FADS1: variants seen among roughly 807,000 people sequenced by gnomAD.
FADS1 encodes fatty acid desaturase 1.
A neutral mutation model predicts 61.6 loss-of-function variants in FADS1; 17 were observed. The observed-to-expected ratio is 0.28, with a 90% CI of 0.19 to 0.41. The LOEUF (loss-of-function observed/expected upper bound fraction) is 0.41. Among genes scored for constraint, FADS1 ranks in the 10% least tolerant of loss-of-function variants. FADS1 has a pLI of 1.00. For synonymous variants in FADS1, 238 were observed against 258.7 expected, an observed-to-expected ratio of 0.92 and a Z score of 0.77; for missense variants, 387 against 650.9, an observed-to-expected ratio of 0.59 and a Z score of 4.41.
chr11:61,812,493 G>A lies in FADS1; in HGVS notation c.662C>T (p.Ala221Val), dbSNP rs375723539. 26 of 1,613,970 alleles carry A rather than the reference G, an allele frequency of 1.6e-5. No individual in the cohort carries two copies. Among genetic ancestry groups the A allele is most frequent in the Admixed American group, 3.3e-5 (2 of 60,022 alleles). ...CACCTGAACTGCACTGAGCAGCACC[G>A]CACAGAGGAGGAAGGGCAAAAAGGA... ...GTSFLPFLLC[A>V]VLLSAVQAQA... Residue 221 changes from alanine to valine, a missense_variant, in exon 3 of 12, where the codon GCG becomes GTG. By Grantham distance (64) the Ala-to-Val change is moderately conservative (BLOSUM62 0). Transcript: ENST00000350997.
rs1013893023 is a variant in FADS1 at position 61,802,603 on chromosome 11, G to C, written c.1455-141C>G. ...TTAGAGAAAGCTAGCTTGGGCCATG[G>C]TACTGAGGGGAACCCCAATGAGGGC... is the stretch of plus-strand genomic sequence containing the variant. On this transcript the variant is annotated intron_variant, in intron 11 of 11. Transcript: ENST00000350997. This position sits in a 1 kb window ranked among gnomAD's most constrained non-coding sequence, Gnocchi z 4.2. 7 of 1,196,524 alleles carry C rather than the reference G, an allele frequency of 5.9e-6. No homozygotes were observed. Among genetic ancestry groups the C allele is most frequent in the Non-Finnish European group, 8.4e-6 (7 of 835,684 alleles). 74.1% of individuals were successfully genotyped at this position (1,196,524 alleles called of 1,614,324 possible).
At chr11:61,808,259 T>C (rs1407855352) in intron 5 of FADS1, among the ~76,000 whole-genome samples, 1 of 151,302 alleles carries the variant, frequency 6.6e-6, no homozygotes, top group Non-Finnish European at 1.5e-5. Context: ...TCTCTTGAAC[T>C]CGGGAGGCGG....
chr11:61,807,873 C>T (rs913561506), intron 5 of FADS1, among the ~76,000 whole-genome samples: 4 of 152,212 alleles, frequency 2.6e-5, no homozygotes, highest in African/African-American at 7.2e-5. Context: ...TTATTCTGTA[C>T]AAGACACTTC....
intron 6 of FADS1, chr11:61,805,837 AG>A (rs1175766257): frequency 2.0e-5 from 3 of 152,202 alleles, no homozygotes; most frequent in Non-Finnish European, 4.4e-5. Context: ...CTGGGCTCAA[AG>A]GATGGTCCCA....
Position 61,816,573 on chromosome 11 carries a change from G to A in FADS1, c.357C>T (p.Tyr119=), listed in dbSNP as rs1342805968. ...CGCTCACCGTGGCATCCTGCCCGGC[G>A]TAGTGGCTGATGACCCGGGAGCCCC... The part of the protein sequence containing the change: ...HPGGSRVISH[Y]AGQDATDPFV... The change falls in exon 1 of 12, where the codon TAC becomes TAT. Residue 119 remains tyrosine, a synonymous_variant. Transcript: ENST00000350997. The surrounding 1 kb of genome is among the most constrained non-coding windows in gnomAD (Gnocchi z 7.0). 1.9e-6 allele frequency: 3 copies of A among 1,608,126 alleles called. No homozygotes were observed. The highest frequency in any genetic ancestry group is 1.3e-5 in the African/African-American group (1 of 74,998).
At position 61,815,974 on chromosome 11, in the gene FADS1, C is replaced by G. The variant is rs1280236003; in HGVS notation, c.375+581G>C. ...CGGCCAGCGCTGTCCCTTCCGCGTC[C>G]TCCAGTCTTCACACGACGCAGGGGT... On this transcript the variant is annotated intron_variant, in intron 1 of 11. Coordinates refer to ENST00000350997, the MANE Select transcript of FADS1 (RefSeq NM_013402.7). This position sits in a 1 kb window ranked among gnomAD's most constrained non-coding sequence, Gnocchi z 6.4. 2 of 447,476 alleles carry G rather than the reference C, an allele frequency of 4.5e-6. No homozygotes were observed. The highest frequency in any genetic ancestry group is 8.1e-6 in the Non-Finnish European group (2 of 246,916). The allele number at this position is 447,476 out of a possible 1,614,324, so 27.7% of individuals were successfully genotyped here. A position where few individuals can be genotyped will look rare whatever the true frequency, so the allele number is the denominator to read the frequency against.
At position 61,816,890 on chromosome 11, in the gene FADS1, C is replaced by G. The variant is rs2066990687; in HGVS notation, c.40G>C (p.Gly14Arg). Residue 14 changes from glycine to arginine, a missense_variant, in exon 1 of 12, where the codon GGT becomes CGT. By Grantham distance (125) the Gly-to-Arg change is moderately radical. Transcript: ENST00000350997. The surrounding 1 kb of genome is among the most constrained non-coding windows in gnomAD (Gnocchi z 7.0). ...RAARPAGLPC[G>R]AENPARRRLA... ...CGCCTGCGCGCCGGGTTTTCAGCAC[C>G]GCAGGGCAGACCGGCGGGCCTCGCA... The G allele has an allele frequency of 6.9e-7, 1 of 1,456,972 alleles. No homozygotes were observed. The highest frequency in any genetic ancestry group is 1.3e-5 in the South Asian group (1 of 74,110). The allele number at this position is 1,456,972 out of a possible 1,614,324, so 90.3% of individuals were successfully genotyped here.
rs2066866218 is a variant in FADS1, at chr11:61,802,873, T to G, written c.1382A>C (p.Gln461Pro). The G allele has an allele frequency of 6.2e-7, 1 of 1,614,066 alleles. No homozygotes were observed. The highest frequency in any genetic ancestry group is 1.3e-5 in the African/African-American group (1 of 74,930). ...HNYHKVAPLV[Q>P]SLCAKHGIEY... ...TATGCCATGCTTGGCACACAAGGAC[T>G]GCACCAGGGGAGCCACTTTGTGGTA... is the stretch of plus-strand genomic sequence containing the variant. The change falls in exon 11 of 12, where the codon CAG (glutamine) becomes CCG (proline). Residue 461 changes from glutamine to proline, a missense_variant. Gln to Pro is a moderately conservative substitution (Grantham distance 76). Coordinates refer to ENST00000350997, the MANE Select transcript of FADS1 (RefSeq NM_013402.7). The surrounding 1 kb of genome is among the most constrained non-coding windows in gnomAD (Gnocchi z 4.2).
In FADS1 at chr11:61,816,536, C is replaced by A. The variant is rs1471149235; in HGVS notation, c.375+19G>T. The A allele has an allele frequency of 1.3e-6, 2 of 1,597,970 alleles. No homozygotes were observed. Among genetic ancestry groups the A allele is most frequent in the African/African-American group, 1.3e-5 (1 of 74,682 alleles). On this transcript the variant is annotated intron_variant, in intron 1 of 11. Coordinates refer to ENST00000350997, the MANE Select transcript of FADS1 (RefSeq NM_013402.7). The surrounding 1 kb of genome is among the most constrained non-coding windows in gnomAD (Gnocchi z 7.0). ...CTCCGGTCCCGCCCTCTCCTGTGCC[C>A]CCGCCTGGCTGCGCTCACCGTGGCA...
rs986956417 is a variant in FADS1, at chr11:61,800,477, A to G, written c.*1934T>C. On this transcript the variant is annotated 3_prime_UTR_variant, in exon 12 of 12. Coordinates refer to ENST00000350997, the MANE Select transcript of FADS1 (RefSeq NM_013402.7). ...CCATTCTTCCTGTGTCTTTGTGTTGACAAACCTCTAATCTTCCATGTCTTT... is the reference window on the plus strand; with the variant it reads ...CCATTCTTCCTGTGTCTTTGTGTTGGCAAACCTCTAATCTTCCATGTCTTT... 1 of 152,368 alleles carries G rather than the reference A, an allele frequency of 6.6e-6. No homozygotes were observed. The highest frequency in any genetic ancestry group is 2.4e-5 in the African/African-American group (1 of 41,450). 9.4% of individuals were successfully genotyped at this position (152,368 alleles called of 1,614,324 possible). A position where few individuals can be genotyped will look rare whatever the true frequency, so the allele number is the denominator to read the frequency against.
rs1163305024 is a variant in FADS1 at position 61,815,483 on chromosome 11, G to C, written c.375+1072C>G. 1 of 152,378 alleles carries C rather than the reference G, an allele frequency of 6.6e-6. No homozygotes were observed. Among genetic ancestry groups the C allele is most frequent in the African/African-American group, 2.4e-5 (1 of 41,474 alleles). 9.4% of individuals were successfully genotyped at this position (152,378 alleles called of 1,614,324 possible). On this transcript the variant is annotated intron_variant, in intron 1 of 11. Transcript: ENST00000350997. This position sits in a 1 kb window ranked among gnomAD's most constrained non-coding sequence, Gnocchi z 6.4. ...CCTGGTGACCCGCGGCACACTCTGG[G>C]ACGCCAGGGTAGTGGATAGGGACAG... is the stretch of plus-strand genomic sequence containing the variant.
chr11:61,813,127 A>G (rs2066943008), intron 2 of FADS1, 116 bp downstream of exon 2: 1 of 762,482 alleles, frequency 1.3e-6, no homozygotes, highest in Admixed American at 2.0e-5. Context: ...AAGACTCCCC[A>G]GAGCTACTAC....
intron 6 of FADS1, chr11:61,804,978 G>C (rs1352000871): frequency 1.7e-6 from 1 of 581,420 alleles, no homozygotes; most frequent in Non-Finnish European, 3.1e-6. Flanking sequence ...AAACTCCCAA[G>C]AGGATGCCAG....
chr11:61,808,933 G>A (rs1158633294), intron 5 of FADS1, among the ~76,000 whole-genome samples: 1 of 152,164 alleles, frequency 6.6e-6, no homozygotes, highest in East Asian at 1.9e-4. Context: ...GCCAGAGCAA[G>A]CCTTTTAAAG....
At chr11:61,806,136 C>G (rs949210660) in intron 6 of FADS1, 3 of 153,662 alleles carry the variant, frequency 2.0e-5, no homozygotes, top group African/African-American at 7.3e-5. Context: ...GTCAGGAGAT[C>G]GAGACCATCC....
At chr11:61,804,409 C>A (rs1201263693) in intron 7 of FADS1, 5 of 418,972 alleles carry the variant, frequency 1.2e-5, no homozygotes, top group African/African-American at 2.0e-5. Context: ...GTCTCTCATT[C>A]ATCTTCCCCA....
intron 5 of FADS1, among the ~76,000 whole-genome samples, 200 bp from the exon 6 acceptor site, chr11:61,806,924 A>C (rs1005967986): frequency 6.6e-6 from 1 of 152,278 alleles, no homozygotes; most frequent in East Asian, 1.9e-4. Flanking sequence ...AGTGTGTCAC[A>C]CCATGGCCTG....
intron 1 of FADS1, chr11:61,814,013 C>T (rs576870937): frequency 5.3e-5 from 8 of 152,196 alleles, no homozygotes; most frequent in East Asian, 1.9e-4. Flanking sequence ...CACCCCCCAA[C>T]GTCCAGCAGC....
intron 7 of FADS1, 198 bp downstream of exon 7, chr11:61,804,487 T>C: frequency 1.8e-6 from 1 of 557,420 alleles, no homozygotes; most frequent in East Asian, 2.9e-5. Context: ...CGCATGAAAT[T>C]ACACATTGGG....
Sources: allele counts gnomAD v4.1 joint callset (sites outside exome capture counted in the v4.1 genomes callset), GRCh38; gene constraint gnomAD v4.1.1; non-coding constraint Gnocchi (gnomAD v3.1); transcripts MANE v1.5; gene names NCBI Gene and HGNC (gene_info 2026-07-23, HGNC 2026-07-21).